Variants in PTPRK observed in about 807,000 individuals in gnomAD.
PTPRK encodes the protein protein tyrosine phosphatase receptor type K.
In PTPRK, 75 loss-of-function variants were observed where a neutral mutation model predicts 178.0. That is an observed-to-expected ratio of 0.42 (90% CI 0.35 to 0.51). PTPRK has a LOEUF of 0.51. Ranked by LOEUF, PTPRK falls within the 20% of genes least tolerant of loss-of-function variation. The pLI is 0.02. For synonymous variants in PTPRK, 637 were observed against 620.6 expected (o/e 1.03, Z -0.39); for missense variants, 1,441 against 1,797.8 (o/e 0.80, Z 3.59).
At chr6:127,992,652 T>C (rs774080282) in intron 19 of PTPRK, 21 bp downstream of exon 19, 38 of 1,582,966 alleles carry the variant, frequency 2.4e-5, no homozygotes, top group Non-Finnish European at 3.1e-5. Context: ...TTCTATAACA[T>C]TTAACAAGGC....
chr6:128,078,736 G>C, intron 11 of PTPRK, 77 bp downstream of exon 11: 1 of 1,031,414 alleles, frequency 9.7e-7, no homozygotes, highest in Non-Finnish European at 1.5e-6. Context: ...ATCATCTCTG[G>C]TTTTAGGCAT....
Position 128,313,981 on chromosome 6 carries a change from A to C in PTPRK, c.495+8058T>G, listed in dbSNP as rs1827631706. 1.3e-5 allele frequency among the ~76,000 whole-genome samples: 2 copies of C among 152,086 alleles called. 1 individual carries two copies. Among genetic ancestry groups the C allele is most frequent in the South Asian group, 4.1e-4 (2 of 4,830 alleles). Reference sequence around the variant, plus strand: ...CACATAACTGGAATCTACCCATCTCATCTTGAAAAAGGTAACCTTTGACCT... The same window carrying C: ...CACATAACTGGAATCTACCCATCTCCTCTTGAAAAAGGTAACCTTTGACCT... On this transcript the variant is annotated intron_variant, in intron 3 of 29. Transcript: ENST00000368226.
intron 14 of PTPRK, among the ~76,000 whole-genome samples, chr6:128,006,486 T>C (rs1455930904): frequency 6.6e-6 from 1 of 150,982 alleles, no homozygotes; most frequent in Non-Finnish European, 1.5e-5. Context: ...TATGTTAATA[T>C]ATCATATATA....
At chr6:128,115,057 ACT>A (rs1214114708) in intron 7 of PTPRK, among the ~76,000 whole-genome samples, 1 of 151,882 alleles carries the variant, frequency 6.6e-6, no homozygotes, top group Non-Finnish European at 1.5e-5. Flanking sequence ...TCACTCCTCT[ACT>A]CTCTGTCACA....
chr6:128,363,298 G>C (rs1333456593), intron 2 of PTPRK, among the ~76,000 whole-genome samples: 1 of 152,098 alleles, frequency 6.6e-6, no homozygotes, highest in East Asian at 1.9e-4. Flanking sequence ...TTGCCACTAA[G>C]ATAAAGTTCT....
chr6:128,114,816 G>C (rs773063901), intron 7 of PTPRK, among the ~76,000 whole-genome samples: 3 of 151,800 alleles, frequency 2.0e-5, no homozygotes, highest in Non-Finnish European at 4.4e-5. Flanking sequence ...AAGACCCAGA[G>C]ACAGAGCAGA....
chr6:128,509,460 AAGC>A (rs1856862788), intron 1 of PTPRK, among the ~76,000 whole-genome samples: 1 of 152,076 alleles, frequency 6.6e-6, no homozygotes, highest in South Asian at 2.1e-4. Flanking sequence ...CAAATATATG[AAGC>A]ATTTATTTAT....
chr6:128,322,325 C>A lies in PTPRK; in HGVS notation c.224-15G>T. On this transcript the variant is annotated splice_polypyrimidine_tract_variant and intron_variant, in intron 2 of 29. Coordinates refer to ENST00000368226, the MANE Select transcript of PTPRK (RefSeq NM_002844.4). ...CATATAGGAACCTGAAATGACATTA[C>A]AAATAATAATGCTAAAGAGATATAT... 1 of 1,544,038 alleles carries A rather than the reference C, an allele frequency of 6.5e-7. No individual in the cohort carries two copies. Among genetic ancestry groups the A allele is most frequent in the Non-Finnish European group, 8.9e-7 (1 of 1,119,602 alleles).
chr6:128,132,819 T>C (rs917705217), intron 7 of PTPRK, among the ~76,000 whole-genome samples: 1 of 152,234 alleles, frequency 6.6e-6, no homozygotes, highest in Non-Finnish European at 1.5e-5. Context: ...ATCCTTCATG[T>C]CCTTTTATAA....
chr6:128,466,818 T>A (rs1849903762), intron 1 of PTPRK, among the ~76,000 whole-genome samples: 1 of 152,078 alleles, frequency 6.6e-6, no homozygotes, highest in South Asian at 2.1e-4. Context: ...TATACATAAA[T>A]TTTAAATGAA....
rs1003206855 is a variant in PTPRK at position 128,421,460 on chromosome 6, T to C, written c.101-23772A>G. Among the ~76,000 whole-genome samples the C allele has an allele frequency of 7.9e-5, 12 of 152,290 alleles. 1 individual carries two copies. The East Asian group carries it at 2.1e-3, about 27-fold the overall frequency. On this transcript the variant is annotated intron_variant, in intron 1 of 29. Coordinates refer to ENST00000368226, the MANE Select transcript of PTPRK (RefSeq NM_002844.4). ...AGAATGGGGAGTTTTTTTAAAAGTG[T>C]GTATTATTTATTTTCCTTTTTTTCA...
intron 3 of PTPRK, among the ~76,000 whole-genome samples, chr6:128,309,691 C>T (rs1826950229): frequency 6.6e-6 from 1 of 152,106 alleles, no homozygotes; most frequent in Admixed American, 6.6e-5. Context: ...GTTGTGTGGC[C>T]AGCTTGTAAT....
At chr6:128,066,342 G>C (rs1029675278) in intron 12 of PTPRK, among the ~76,000 whole-genome samples, 1 of 152,114 alleles carries the variant, frequency 6.6e-6, no homozygotes, top group African/African-American at 2.4e-5. Context: ...TCTGACTCTG[G>C]AGCACATCTT....
At chr6:128,195,849 G>A (rs550874359) in intron 6 of PTPRK, among the ~76,000 whole-genome samples, 29 of 152,156 alleles carry the variant, frequency 1.9e-4, no homozygotes, top group Non-Finnish European at 3.1e-4. Context: ...GTTTTATAAC[G>A]TAAAAATTCT....
chr6:128,226,907 A>G (rs1169937835), intron 5 of PTPRK, among the ~76,000 whole-genome samples: 1 of 151,392 alleles, frequency 6.6e-6, no homozygotes, highest in Non-Finnish European at 1.5e-5. Context: ...TCAGATTTTT[A>G]TGGATGAACT....
intron 3 of PTPRK, among the ~76,000 whole-genome samples, chr6:128,247,844 C>T (rs574958236): frequency 9.2e-5 from 14 of 152,154 alleles, no homozygotes; most frequent in Non-Finnish European, 1.5e-4. Context: ...CTTCCATTCC[C>T]TTCTCCCTCC....
intron 2 of PTPRK, among the ~76,000 whole-genome samples, chr6:128,369,251 T>C (rs976344343): frequency 1.3e-5 from 2 of 149,456 alleles, no homozygotes; most frequent in African/African-American, 4.9e-5. Flanking sequence ...GTAATGATTA[T>C]AGAGAGTGAG....
chr6:128,103,349 CCAGA>C (rs767671892), intron 7 of PTPRK, among the ~76,000 whole-genome samples: 3 of 152,080 alleles, frequency 2.0e-5, no homozygotes, highest in Admixed American at 6.5e-5. Flanking sequence ...TTCCTGGACA[CCAGA>C]CAAAGACCCG....
chr6:128,396,796 G>C (rs1175242753), intron 2 of PTPRK, among the ~76,000 whole-genome samples: 2 of 152,040 alleles, frequency 1.3e-5, no homozygotes, highest in African/African-American at 4.8e-5. Flanking sequence ...TCAGGAGTTC[G>C]AGACCAGCCT....
Sources: gnomAD v4.1 joint callset for allele counts (sites outside exome capture counted in the v4.1 genomes callset) on GRCh38, gnomAD v4.1.1 for gene constraint, MANE v1.5 for transcripts, NCBI Gene and HGNC (gene_info 2026-07-23, HGNC 2026-07-21) for gene names.